Variants in HS3ST4 observed in about 807,000 individuals in gnomAD.
The protein encoded by HS3ST4 is heparan sulfate glucosamine 3-O-sulfotransferase 4.
A neutral mutation model predicts 29.2 loss-of-function variants in HS3ST4; 17 were observed. The observed-to-expected ratio is 0.58, with a 90% confidence interval of 0.40 to 0.87. The LOEUF (loss-of-function observed/expected upper bound fraction) is 0.87, where lower values mean the gene tolerates loss of function less well. HS3ST4 is among the 40% of genes least tolerant of loss of function. The probability of loss-of-function intolerance (pLI) is 0.00; values close to 1 mark genes in which losing one functional copy is unlikely to be tolerated. For missense variants in HS3ST4, 627 were observed against 634.5 expected, an observed-to-expected ratio of 0.99 and a Z score of 0.13; for synonymous variants, 314 against 285.7, an observed-to-expected ratio of 1.10 and a Z score of -1.00.
chr16:25,906,137 G>A (rs1441158554), intron 1 of HS3ST4, among the ~76,000 whole-genome samples: 1 of 152,168 alleles, frequency 6.6e-6, no homozygotes, highest in African/African-American at 2.4e-5. Flanking sequence ...AGCCTGAGAG[G>A]CATAATTGGC....
At chr16:25,706,825 T>G (rs928674782) in intron 1 of HS3ST4, among the ~76,000 whole-genome samples, 1 of 152,236 alleles carries the variant, frequency 6.6e-6, no homozygotes, top group Non-Finnish European at 1.5e-5. Flanking sequence ...TTGGAGCCAA[T>G]GTAATTCCAA....
At chr16:26,056,663 C>G (rs1898412274) in intron 1 of HS3ST4, among the ~76,000 whole-genome samples, 1 of 152,194 alleles carries the variant, frequency 6.6e-6, no homozygotes, top group African/African-American at 2.4e-5. Flanking sequence ...CAGAGCTTCT[C>G]CCTGCCACTG....
At chr16:26,065,596 A>C (rs1469813175) in intron 1 of HS3ST4, among the ~76,000 whole-genome samples, 1 of 152,206 alleles carries the variant, frequency 6.6e-6, no homozygotes, top group Admixed American at 6.5e-5. Flanking sequence ...CTTTGTAACA[A>C]ATCTGCACTT....
intron 1 of HS3ST4, among the ~76,000 whole-genome samples, chr16:26,086,388 C>A (rs1033746836): frequency 3.3e-5 from 5 of 149,660 alleles, no homozygotes; most frequent in Admixed American, 3.3e-4. Context: ...CTTGCTCTGT[C>A]GCCCAGGCTG....
chr16:26,135,016 T>C (rs1898261294), intron 1 of HS3ST4, among the ~76,000 whole-genome samples: 1 of 152,202 alleles, frequency 6.6e-6, no homozygotes, highest in African/African-American at 2.4e-5. Context: ...TATTATCTTT[T>C]TGGTTTTTTT....
At chr16:25,990,084 C>T (rs963836100) in intron 1 of HS3ST4, among the ~76,000 whole-genome samples, 1 of 152,190 alleles carries the variant, frequency 6.6e-6, no homozygotes, top group African/African-American at 2.4e-5. Flanking sequence ...CGTAAGGTTT[C>T]TCCATGTCTT....
At chr16:25,919,763 C>G (rs1418265922) in intron 1 of HS3ST4, among the ~76,000 whole-genome samples, 1 of 152,180 alleles carries the variant, frequency 6.6e-6, no homozygotes, top group African/African-American at 2.4e-5. Flanking sequence ...TGCCTAAACT[C>G]TGCTGAGAGG....
In HS3ST4 at chr16:26,008,155, G is replaced by C. The variant is rs149245835; in HGVS notation, c.735-127457G>C. On this transcript the variant is annotated intron_variant, in intron 1 of 1. Transcript: ENST00000331351. ...CATGTACACAGGAATCTTCAAAAGA[G>C]AGTGAAGTCTGAAGTGGCCAAAGCA... is the stretch of plus-strand genomic sequence containing the variant. Among the ~76,000 whole-genome samples the C allele has an allele frequency of 1.5e-3, 232 of 152,300 alleles. 2 individuals carry two copies. Among genetic ancestry groups the C allele is most frequent in the African/African-American group, 5.0e-3 (208 of 41,572 alleles).
At chr16:25,798,505 A>T (rs992785675) in intron 1 of HS3ST4, among the ~76,000 whole-genome samples, 2 of 152,224 alleles carry the variant, frequency 1.3e-5, no homozygotes, top group African/African-American at 4.8e-5. Context: ...AATGACTCTT[A>T]AAGCTTCCAA....
chr16:25,915,278 G>A (rs1463352925), intron 1 of HS3ST4, among the ~76,000 whole-genome samples: 1 of 152,158 alleles, frequency 6.6e-6, no homozygotes, highest in Non-Finnish European at 1.5e-5. Context: ...TCTCCTCTGA[G>A]CCCAATAGAT....
chr16:26,079,228 G>A (rs1898699556), intron 1 of HS3ST4, among the ~76,000 whole-genome samples: 3 of 152,196 alleles, frequency 2.0e-5, no homozygotes, highest in South Asian at 4.1e-4. Context: ...CACGATAAAC[G>A]ACAGCTGTGA....
chr16:25,809,382 A>G (rs1018840512), intron 1 of HS3ST4, among the ~76,000 whole-genome samples: 10 of 152,188 alleles, frequency 6.6e-5, no homozygotes, highest in Admixed American at 3.9e-4. Flanking sequence ...GCATACCTGG[A>G]ATAAATCCCA....
chr16:26,042,718 A>T (rs941970284), intron 1 of HS3ST4, among the ~76,000 whole-genome samples: 6 of 152,192 alleles, frequency 3.9e-5, no homozygotes, highest in Non-Finnish European at 7.4e-5. Flanking sequence ...CAAAAGATGA[A>T]AGCAAACTGT....
chr16:25,882,913 A>C (rs1396448344), intron 1 of HS3ST4, among the ~76,000 whole-genome samples: 7 of 152,014 alleles, frequency 4.6e-5, no homozygotes, highest in African/African-American at 1.7e-4. Context: ...CTCTCATCTC[A>C]CCAGCTGTCA....
intron 1 of HS3ST4, among the ~76,000 whole-genome samples, chr16:25,860,193 A>G (rs1459203386): frequency 6.6e-6 from 1 of 152,186 alleles, no homozygotes; most frequent in African/African-American, 2.4e-5. Context: ...CCAAAATCCA[A>G]AACACTGACA....
At position 25,951,794 on chromosome 16, in the gene HS3ST4, C is replaced by A. The variant is rs148221512; in HGVS notation, c.735-183818C>A. Among the ~76,000 whole-genome samples the A allele has an allele frequency of 4.8e-3, 726 of 152,242 alleles. 3 individuals are homozygous for A. Among genetic ancestry groups the A allele is most frequent in the Middle Eastern group, 0.027 (8 of 294 alleles). On this transcript the variant is annotated intron_variant, in intron 1 of 1. Coordinates refer to ENST00000331351, the MANE Select transcript of HS3ST4 (RefSeq NM_006040.3). ...CAGTTTTCCCAGACACTTTTCTAGA[C>A]CCTAGACCAAGAGTTGGCAAACTAT... is the stretch of plus-strand genomic sequence containing the variant.
intron 1 of HS3ST4, among the ~76,000 whole-genome samples, chr16:25,694,916 A>T (rs1195405312): frequency 8.8e-6 from 1 of 113,914 alleles, no homozygotes; most frequent in Non-Finnish European, 2.0e-5. Flanking sequence ...TATTTGGGTG[A>T]CTTAAAATAA....
intron 1 of HS3ST4, among the ~76,000 whole-genome samples, chr16:25,734,167 G>A (rs1966590809): frequency 6.6e-6 from 1 of 152,148 alleles, no homozygotes; most frequent in South Asian, 2.1e-4. Context: ...ACATATACTA[G>A]GTGTGCTTCT....
intron 1 of HS3ST4, among the ~76,000 whole-genome samples, chr16:26,122,425 T>C (rs1899288850): frequency 6.8e-6 from 1 of 147,356 alleles, no homozygotes; most frequent in African/African-American, 2.7e-5. Context: ...AAACCAGTCA[T>C]ATTGGTATTA....
Sources: gnomAD v4.1 joint callset for allele counts (sites outside exome capture counted in the v4.1 genomes callset) on GRCh38, gnomAD v4.1.1 for gene constraint, MANE v1.5 for transcripts, NCBI Gene and HGNC (gene_info 2026-07-23, HGNC 2026-07-21) for gene names.